SEPTIN3: variants seen among roughly 807,000 people sequenced by gnomAD.
SEPTIN3 encodes the protein neuronal-specific septin-3.
Under a neutral mutation model 45.1 loss-of-function variants are expected in SEPTIN3, and 15 were observed. The ratio of observed to expected loss-of-function variants is 0.33; its 90% confidence interval spans 0.22 to 0.51. The LOEUF is 0.51. SEPTIN3 is among the 20% of genes least tolerant of loss of function. The pLI, the probability that SEPTIN3 is intolerant of heterozygous loss-of-function variation, is 0.97. For missense variants in SEPTIN3, 289 were observed against 457.2 expected (o/e 0.63, Z 3.35); for synonymous variants, 148 against 164.8 (o/e 0.90, Z 0.78).
At chr22:41,984,829 T>G (rs1946923980) in intron 3 of SEPTIN3, among the ~76,000 whole-genome samples, 1 of 147,358 alleles carries the variant, frequency 6.8e-6, no homozygotes, top group South Asian at 2.1e-4. Context: ...GCACCTGGCC[T>G]GACCAGTGGT....
intron 2 of SEPTIN3, chr22:41,981,372 G>A (rs2078117082): frequency 2.4e-6 from 1 of 419,470 alleles, no homozygotes; most frequent in African/African-American, 2.0e-5. Flanking sequence ...CTTCAGAGCA[G>A]TGAGGTGCAT....
At chr22:41,985,698 A>G in intron 3 of SEPTIN3, 1 of 208,148 alleles carries the variant, frequency 4.8e-6, no homozygotes. Context: ...ACAGAAAACC[A>G]CGACACTAGA....
At chr22:41,989,945 T>C (rs2078277844) in intron 7 of SEPTIN3, among the ~76,000 whole-genome samples, 1 of 152,100 alleles carries the variant, frequency 6.6e-6, no homozygotes, top group Non-Finnish European at 1.5e-5. Context: ...ACTGAATACA[T>C]GTATCACTGT....
At chr22:41,970,406 G>T (rs868448522) in intron 1 of SEPTIN3, among the ~76,000 whole-genome samples, 1 of 152,116 alleles carries the variant, frequency 6.6e-6, no homozygotes, top group Non-Finnish European at 1.5e-5. Context: ...CCCTAGCTCT[G>T]CCCCTTGCAC....
chr22:41,985,476 G>T (rs897572889), intron 3 of SEPTIN3, among the ~76,000 whole-genome samples: 1 of 152,214 alleles, frequency 6.6e-6, no homozygotes, highest in Non-Finnish European at 1.5e-5. Context: ...TATTTTGTTA[G>T]AAGAGGATTC....
At chr22:41,990,673 G>A (rs2078296661) in intron 7 of SEPTIN3, among the ~76,000 whole-genome samples, 1 of 149,186 alleles carries the variant, frequency 6.7e-6, no homozygotes, top group Non-Finnish European at 1.5e-5. Context: ...ATGAACCCGA[G>A]AGGCGGCGCT....
chr22:41,997,150 C>A lies in SEPTIN3; in HGVS notation c.*183C>A. 1 of 1,166,622 alleles carries A rather than the reference C, an allele frequency of 8.6e-7. No individual in the cohort carries two copies. Among genetic ancestry groups the A allele is most frequent in the East Asian group, 2.6e-5 (1 of 38,282 alleles). The allele number at this position is 1,166,622 out of a possible 1,614,324, so 72.3% of individuals were successfully genotyped here. On this transcript the variant is annotated 3_prime_UTR_variant, in exon 12 of 12. Coordinates refer to ENST00000644076, the MANE Select transcript of SEPTIN3 (RefSeq NM_001363845.2). ...TCCTCCATTTATCCAAACCACTCCT[C>A]TCCTCCCAGTGGAGTGGGGTTCTGC...
chr22:41,996,518 G>A, intron 11 of SEPTIN3: 1 of 1,010,776 alleles, frequency 9.9e-7, no homozygotes, highest in Non-Finnish European at 1.2e-6. Context: ...CAGGAGAAAG[G>A]GGGGCGGTGA....
At chr22:41,980,011 T>C (rs1602412767) in intron 2 of SEPTIN3, among the ~76,000 whole-genome samples, 2 of 152,236 alleles carry the variant, frequency 1.3e-5, no homozygotes, top group African/African-American at 2.4e-5. Flanking sequence ...CTTGTGTAAC[T>C]GGCATCTGGG....
At chr22:41,995,259 G>A in intron 11 of SEPTIN3, 15 of 991,708 alleles carry the variant, frequency 1.5e-5, no homozygotes, top group Non-Finnish European at 1.8e-5. Context: ...AGTTGGGGGT[G>A]GTCTGGGGGT....
At chr22:41,978,846 G>C (rs1264217040) in intron 2 of SEPTIN3, among the ~76,000 whole-genome samples, 2 of 149,666 alleles carry the variant, frequency 1.3e-5, no homozygotes, top group Non-Finnish European at 3.0e-5. Flanking sequence ...ATCCACATCA[G>C]AAGGCAAAGC....
At chr22:41,995,961 C>A (rs946014199) in intron 11 of SEPTIN3, 3 of 984,872 alleles carry the variant, frequency 3.0e-6, no homozygotes, top group Admixed American at 6.1e-5. Flanking sequence ...GCTTCAAAGA[C>A]AAATTTTTGA....
chr22:41,972,329 G>T lies in SEPTIN3; in HGVS notation c.837G>T (p.Leu279Phe). The change falls in exon 2 of 12, where the codon TTG becomes TTT. Residue 279 changes from leucine to phenylalanine, a missense_variant. Leu to Phe is a conservative substitution (Grantham distance 22, BLOSUM62 0). Transcript: ENST00000644076. ...LATMATNRPS[L>F]AINLATPNTS... ...CAATGGCCACCAACAGACCTAGCTTGGCTATCAATTTAGCCACACCAAACA... is the reference window on the plus strand; with the variant it reads ...CAATGGCCACCAACAGACCTAGCTTTGCTATCAATTTAGCCACACCAAACA... 2.5e-6 allele frequency: 1 copy of T among 399,144 alleles called. No homozygotes were observed. Among genetic ancestry groups the T allele is most frequent in the South Asian group, 1.3e-4 (1 of 7,856 alleles). The allele number at this position is 399,144 out of a possible 1,614,324, so 24.7% of individuals were successfully genotyped here. A position where few individuals can be genotyped will look rare whatever the true frequency, so the allele number is the denominator to read the frequency against.
chr22:41,985,699 C>T (rs112204402), intron 3 of SEPTIN3: 5,145 of 207,576 alleles, frequency 0.025, 103 homozygotes, highest in Non-Finnish European at 0.038. Flanking sequence ...CAGAAAACCA[C>T]GACACTAGAC....
At chr22:41,992,908 A>T (rs1037742241) in intron 9 of SEPTIN3, 145 bp downstream of exon 9, 1 of 644,538 alleles carries the variant, frequency 1.6e-6, no homozygotes, top group Non-Finnish European at 2.8e-6. Context: ...TTACAGTCTC[A>T]TTGAGAAGAC....
At chr22:41,991,516 C>T (rs2078316628) in intron 7 of SEPTIN3, 57 bp from the exon 8 acceptor site, 1 of 1,253,056 alleles carries the variant, frequency 8.0e-7, no homozygotes. Flanking sequence ...GGTGCACACA[C>T]CCCTCTTTTC....
chr22:41,980,798 C>A (rs1039585930), intron 2 of SEPTIN3, among the ~76,000 whole-genome samples: 1 of 152,112 alleles, frequency 6.6e-6, no homozygotes, highest in African/African-American at 2.4e-5. Flanking sequence ...TGCTATCCAC[C>A]ACTCCAAGAG....
intron 11 of SEPTIN3, chr22:41,995,387 C>T (rs952503900): frequency 1.0e-6 from 1 of 986,342 alleles, no homozygotes; most frequent in East Asian, 1.1e-4. Context: ...CAGTCTGTGT[C>T]GTGTTCAGTG....
intron 3 of SEPTIN3, among the ~76,000 whole-genome samples, chr22:41,984,286 C>T (rs775277698): frequency 3.0e-4 from 46 of 152,172 alleles, no homozygotes; most frequent in Non-Finnish European, 4.4e-4. Flanking sequence ...AGGCCCTTGT[C>T]CCCCAGCATG....
Sources: allele counts gnomAD v4.1 joint callset (sites outside exome capture counted in the v4.1 genomes callset), GRCh38; gene constraint gnomAD v4.1.1; transcripts MANE v1.5; gene names NCBI Gene and HGNC (gene_info 2026-07-23, HGNC 2026-07-21).